The following TENM3 variants were observed in gnomAD, a reference collection of about 807,000 sequenced individuals.
TENM3 encodes teneurin transmembrane protein 3.
A neutral mutation model predicts 255.1 loss-of-function variants in TENM3; 63 were observed. That is an observed-to-expected ratio of 0.25 (90% CI 0.20 to 0.30). TENM3 has a LOEUF of 0.30. TENM3 is among the 10% of genes least tolerant of loss of function. The pLI, the probability that TENM3 is intolerant of heterozygous loss-of-function variation, is 1.00. For missense variants in TENM3, 2,929 were observed against 3,461.1 expected, an observed-to-expected ratio of 0.85 and a Z score of 3.86; for synonymous variants, 1,306 against 1,322.3, an observed-to-expected ratio of 0.99 and a Z score of 0.27.
the TENM3 span, among the ~76,000 whole-genome samples, chr4:181,817,657 G>A: frequency 3.9e-4 from 59 of 152,136 alleles, no homozygotes; most frequent in African/African-American, 1.3e-3. Flanking sequence ...GGTATTAGAC[G>A]CGCTTATAAA....
intron 3 of TENM3, among the ~76,000 whole-genome samples, chr4:182,381,578 G>A (rs751912846): frequency 7.0e-4 from 42 of 60,202 alleles, no homozygotes; most frequent in Non-Finnish European, 9.7e-4. Flanking sequence ...CCTCCCCTCC[G>A]GAGTTTTGCT....
At chr4:182,169,402 A>G in intron 1 of TENM3, 1 of 438,262 alleles carries the variant, frequency 2.3e-6, no homozygotes, top group Non-Finnish European at 4.6e-6. Flanking sequence ...AAAAATCTGC[A>G]CGAGGAAAAG....
intron 13 of TENM3, among the ~76,000 whole-genome samples, chr4:182,725,706 G>C (rs1265744955): frequency 4.1e-5 from 6 of 147,340 alleles, no homozygotes; most frequent in African/African-American, 1.5e-4. Context: ...CGCGATCTCG[G>C]CTCACTGCGA....
the TENM3 span, among the ~76,000 whole-genome samples, chr4:181,593,704 T>C: frequency 1.3e-5 from 2 of 152,198 alleles, no homozygotes; most frequent in African/African-American, 4.8e-5. Context: ...TTGAATTACA[T>C]AGATGGGAAG....
the TENM3 span, among the ~76,000 whole-genome samples, chr4:181,915,239 G>T: frequency 6.6e-6 from 1 of 152,060 alleles, no homozygotes; most frequent in Non-Finnish European, 1.5e-5. Context: ...TCCTTTACCA[G>T]CTTGGGCTGA....
chr4:182,783,846 A>T (rs561962844), intron 24 of TENM3, among the ~76,000 whole-genome samples: 6 of 151,996 alleles, frequency 3.9e-5, no homozygotes, highest in African/African-American at 1.4e-4. Flanking sequence ...AGTTGATCGC[A>T]TCGGCTCCTG....
intron 3 of TENM3, among the ~76,000 whole-genome samples, chr4:182,517,545 G>A (rs1479144214): frequency 6.8e-6 from 1 of 146,538 alleles, no homozygotes; most frequent in South Asian, 2.1e-4. Flanking sequence ...TACCACGCCC[G>A]GCTAATTTTT....
At chr4:182,237,443 G>C (rs1756968002) in intron 1 of TENM3, among the ~76,000 whole-genome samples, 1 of 150,822 alleles carries the variant, frequency 6.6e-6, no homozygotes, top group Non-Finnish European at 1.5e-5. Flanking sequence ...TCGGCTCACT[G>C]TAACTTCTGC....
At chr4:182,047,526 C>T in the TENM3 span, among the ~76,000 whole-genome samples, 1,834 of 137,530 alleles carry the variant, frequency 0.013, 46 homozygotes, top group African/African-American at 0.047. Context: ...TGCACCACTG[C>T]GCTCCAGCCT....
At chr4:182,639,535 A>G (rs981291451) in intron 5 of TENM3, among the ~76,000 whole-genome samples, 29 of 152,334 alleles carry the variant, frequency 1.9e-4, no homozygotes, top group Admixed American at 1.7e-3. Flanking sequence ...CCAGTCAGCA[A>G]GTCCTTTAAA....
chr4:182,166,234 A>T (rs536224971), intron 1 of TENM3, among the ~76,000 whole-genome samples: 5 of 152,364 alleles, frequency 3.3e-5, no homozygotes, highest in African/African-American at 1.2e-4. Flanking sequence ...CTGTTCAGGC[A>T]CATTTGCAGC....
the TENM3 span, among the ~76,000 whole-genome samples, chr4:181,458,614 A>C: frequency 6.6e-6 from 1 of 152,052 alleles, no homozygotes; most frequent in African/African-American, 2.4e-5. Flanking sequence ...TTGAGACCTT[A>C]TGACCACTTG....
chr4:181,877,628 G>T, the TENM3 span, among the ~76,000 whole-genome samples: 126,498 of 152,082 alleles, frequency 0.83, 53,184 homozygotes, highest in Middle Eastern at 0.88. Context: ...TGTCACTGGG[G>T]TTTCTTTCTA....
chr4:182,576,345 CAAAG>C (rs1320381732), intron 3 of TENM3, among the ~76,000 whole-genome samples: 3 of 152,068 alleles, frequency 2.0e-5, no homozygotes, highest in Non-Finnish European at 2.9e-5. Flanking sequence ...CTGTTAAAAA[CAAAG>C]AAAGGTTTTG....
intron 3 of TENM3, among the ~76,000 whole-genome samples, chr4:182,500,855 A>G (rs1190110768): frequency 6.6e-6 from 1 of 152,154 alleles, no homozygotes; most frequent in Non-Finnish European, 1.5e-5. Flanking sequence ...ATCTCTAATA[A>G]TTATTAAGAT....
intron 13 of TENM3, among the ~76,000 whole-genome samples, chr4:182,727,587 A>G (rs1051969784): frequency 6.6e-6 from 1 of 152,220 alleles, no homozygotes; most frequent in East Asian, 1.9e-4. Flanking sequence ...TAAACAGGAT[A>G]CTTGCATGGG....
intron 3 of TENM3, among the ~76,000 whole-genome samples, chr4:182,563,917 T>C (rs1260856430): frequency 6.6e-6 from 1 of 152,216 alleles, no homozygotes; most frequent in African/African-American, 2.4e-5. Context: ...TTCCTAAAGG[T>C]ATCTCTTCCA....
chr4:182,590,807 C>G (rs1448831856), intron 3 of TENM3, among the ~76,000 whole-genome samples: 3 of 150,928 alleles, frequency 2.0e-5, no homozygotes, highest in Admixed American at 6.6e-5. Flanking sequence ...TGAGATTGCA[C>G]CACTGCACTC....
intron 3 of TENM3, among the ~76,000 whole-genome samples, chr4:182,455,933 C>T (rs554655073): frequency 6.6e-6 from 1 of 152,282 alleles, no homozygotes; most frequent in Non-Finnish European, 1.5e-5. Flanking sequence ...TCTGTGAGCA[C>T]TTAACACATT....
Sources: gnomAD v4.1 joint callset for allele counts (sites outside exome capture counted in the v4.1 genomes callset) on GRCh38, gnomAD v4.1.1 for gene constraint, MANE v1.5 for transcripts, NCBI Gene and HGNC (gene_info 2026-07-23, HGNC 2026-07-21) for gene names.